JAK2: variants seen among roughly 807,000 people sequenced by gnomAD.
JAK2 encodes the protein tyrosine-protein kinase JAK2.
A neutral mutation model predicts 139.3 loss-of-function variants in JAK2; 86 were observed. That is an observed-to-expected ratio of 0.62 (90% CI 0.52 to 0.74). JAK2 has a LOEUF of 0.74. JAK2 is among the 30% of genes least tolerant of loss of function. The pLI is 0.00. For synonymous variants in JAK2, 490 were observed against 437.7 expected (o/e 1.12, Z -1.49); for missense variants, 1,421 against 1,360.3 (o/e 1.04, Z -0.70).
intron 14 of JAK2, 104 bp downstream of exon 14, chr9:5,073,889 T>A (rs949291104): frequency 1.1e-4 from 81 of 716,812 alleles, no homozygotes; most frequent in Admixed American, 5.5e-4. Flanking sequence ...GTGTAAACTA[T>A]AATTTAACAG....
intron 2 of JAK2, among the ~76,000 whole-genome samples, chr9:4,987,290 G>T (rs1470483427): frequency 9.9e-5 from 15 of 152,130 alleles, no homozygotes; most frequent in Admixed American, 9.8e-4. Flanking sequence ...ATTTGAGACA[G>T]GTGTCTCAGA....
intron 8 of JAK2, among the ~76,000 whole-genome samples, chr9:5,061,618 A>AATGTT (rs1301600471): frequency 2.6e-5 from 4 of 152,234 alleles, no homozygotes; most frequent in African/African-American, 9.6e-5. Context: ...GGCTTAAGGG[A>AATGTT]ATGTTATGGC....
chr9:5,003,106 C>G (rs1326332402), intron 2 of JAK2, among the ~76,000 whole-genome samples: 1 of 151,858 alleles, frequency 6.6e-6, no homozygotes, highest in African/African-American at 2.4e-5. Flanking sequence ...CATTTTTGTG[C>G]TAATACCAAT....
At chr9:5,062,505 A>AAAAAAAAAAAAAAAAAAAAG (rs1818259411) in intron 8 of JAK2, among the ~76,000 whole-genome samples, 1 of 96,348 alleles carries the variant, frequency 1.0e-5, no homozygotes, top group African/African-American at 3.5e-5. Context: ...ATTTGTAAAA[A>AAAAAAAAAAAAAAAAAAAAG]AAAAAAAAAA....
intron 4 of JAK2, among the ~76,000 whole-genome samples, chr9:5,032,957 G>A (rs1461626343): frequency 6.6e-6 from 1 of 152,170 alleles, no homozygotes; most frequent in Admixed American, 6.5e-5. Context: ...CAAGCTAAAG[G>A]AGGAAGTTTG....
intron 8 of JAK2, among the ~76,000 whole-genome samples, chr9:5,060,409 C>G (rs1162193633): frequency 6.6e-6 from 1 of 152,218 alleles, no homozygotes; most frequent in Non-Finnish European, 1.5e-5. Flanking sequence ...AGAAATGAGT[C>G]AGTCCTCTCA....
intron 2 of JAK2, among the ~76,000 whole-genome samples, chr9:5,016,064 A>C (rs889679762): frequency 2.0e-5 from 3 of 152,188 alleles, no homozygotes; most frequent in African/African-American, 7.2e-5. Context: ...GGATGACTAG[A>C]GGCAGGTCCA....
intron 22 of JAK2, among the ~76,000 whole-genome samples, chr9:5,115,515 G>A (rs181238082): frequency 6.6e-6 from 1 of 152,272 alleles, no homozygotes; most frequent in African/African-American, 2.4e-5. Context: ...ATTCCTCCAG[G>A]ATCCAGAGTT....
intron 22 of JAK2, among the ~76,000 whole-genome samples, chr9:5,107,650 A>G (rs1270633447): frequency 6.6e-6 from 1 of 152,204 alleles, no homozygotes; most frequent in Non-Finnish European, 1.5e-5. Flanking sequence ...CCCTCTATTT[A>G]CATCAACATT....
At chr9:5,117,357 T>G (rs1018197703) in intron 22 of JAK2, among the ~76,000 whole-genome samples, 6 of 152,222 alleles carry the variant, frequency 3.9e-5, no homozygotes, top group Non-Finnish European at 7.3e-5. Flanking sequence ...GGGAATAACA[T>G]GGTGAGATTC....
chr9:5,110,063 A>G (rs537042253), intron 22 of JAK2: 5 of 152,308 alleles, frequency 3.3e-5, no homozygotes, highest in African/African-American at 1.2e-4. Context: ...AGATTCAACA[A>G]GCATTCATTC....
intron 19 of JAK2, among the ~76,000 whole-genome samples, chr9:5,089,407 G>A (rs752248467): frequency 1.3e-5 from 2 of 151,884 alleles, no homozygotes; most frequent in African/African-American, 2.4e-5. Context: ...GCGTATTGGC[G>A]GGCGCCTGTA....
At chr9:5,065,400 A>G (rs1330749714) in intron 9 of JAK2, among the ~76,000 whole-genome samples, 1 of 152,194 alleles carries the variant, frequency 6.6e-6, no homozygotes, top group Admixed American at 6.5e-5. Flanking sequence ...TTATGTTTGG[A>G]TAGTCCATCT....
At chr9:5,034,472 G>C (rs1823419819) in intron 4 of JAK2, among the ~76,000 whole-genome samples, 1 of 151,990 alleles carries the variant, frequency 6.6e-6, no homozygotes. Flanking sequence ...TTCCAAAATT[G>C]ACCACATAGT....
chr9:5,051,087 G>A lies in JAK2; in HGVS notation c.614+256G>A, dbSNP rs140810154. Among the ~76,000 whole-genome samples, 175 of 152,126 alleles carry A rather than the reference G, an allele frequency of 1.2e-3. 1 individual carries two copies. Among genetic ancestry groups the A allele is most frequent in the Middle Eastern group, 6.8e-3 (2 of 294 alleles). ...CATTTCCTTTGAACATCATGTTGAC[G>A]TTCAAAAAGTTCTGGATTTTGGAAC... On this transcript the variant is annotated intron_variant, in intron 6 of 24. Transcript: ENST00000381652.
At chr9:4,998,548 C>A (rs2129806532) in intron 2 of JAK2, among the ~76,000 whole-genome samples, 1 of 152,226 alleles carries the variant, frequency 6.6e-6, no homozygotes, top group African/African-American at 2.4e-5. Flanking sequence ...AGCCACCATG[C>A]CCGGCCAAAA....
At chr9:5,085,759 C>G (rs773211816) in intron 19 of JAK2, 1 of 754,886 alleles carries the variant, frequency 1.3e-6, no homozygotes, top group Non-Finnish European at 2.5e-6. Context: ...CTAGCTTGCA[C>G]ATGTCGGGAG....
chr9:5,085,906 C>A (rs1396467023), intron 19 of JAK2: 2 of 931,632 alleles, frequency 2.1e-6, no homozygotes, highest in Non-Finnish European at 1.8e-6. Context: ...TTTCTAATAC[C>A]CTCATACAGA....
chr9:4,993,203 T>C (rs572481210), intron 2 of JAK2, among the ~76,000 whole-genome samples: 2 of 152,338 alleles, frequency 1.3e-5, no homozygotes, highest in East Asian at 1.9e-4. Context: ...CTAAGCTCTG[T>C]GTGAGTCTGC....
Sources: gnomAD v4.1 joint callset for allele counts (sites outside exome capture counted in the v4.1 genomes callset) on GRCh38, gnomAD v4.1.1 for gene constraint, MANE v1.5 for transcripts, NCBI Gene and HGNC (gene_info 2026-07-23, HGNC 2026-07-21) for gene names.